The following SLC9C2 variants were observed in gnomAD, a reference collection of about 807,000 sequenced individuals.
SLC9C2 encodes the protein solute carrier family 9 member C2 (putative).
Under a neutral mutation model 140.2 loss-of-function variants are expected in SLC9C2, and 75 were observed. The observed-to-expected ratio is 0.53, with a 90% CI of 0.44 to 0.65. The LOEUF (loss-of-function observed/expected upper bound fraction) is 0.65. Among genes scored for constraint, SLC9C2 ranks in the 30% least tolerant of loss-of-function variants. The pLI is 0.00. For synonymous variants in SLC9C2, 375 were observed against 420.9 expected (o/e 0.89, Z 1.34); for missense variants, 1,074 against 1,331.8 (o/e 0.81, Z 3.01).
intron 10 of SLC9C2, among the ~76,000 whole-genome samples, chr1:173,555,051 T>G (rs1001397109): frequency 6.6e-6 from 1 of 152,176 alleles, no homozygotes; most frequent in African/African-American, 2.4e-5. Flanking sequence ...AGACTGGAGA[T>G]TCTATGCTAA....
At chr1:173,597,123 T>A (rs1388225226) in intron 4 of SLC9C2, among the ~76,000 whole-genome samples, 3 of 150,594 alleles carry the variant, frequency 2.0e-5, no homozygotes, top group African/African-American at 2.4e-5. Context: ...GCACAACATT[T>A]AAAAAAAAAC....
chr1:173,601,987 G>T (rs1203124431), intron 1 of SLC9C2, 132 bp from the exon 2 acceptor site: 5 of 543,428 alleles, frequency 9.2e-6, no homozygotes, highest in Non-Finnish European at 1.6e-5. Context: ...AATACCTCTT[G>T]TCCTACCCCT....
At chr1:173,503,364 A>C (rs1442320362) in intron 26 of SLC9C2, 38 bp from the exon 27 acceptor site, 1 of 1,581,228 alleles carries the variant, frequency 6.3e-7, no homozygotes, top group Non-Finnish European at 8.7e-7. Flanking sequence ...AAAGTAAATT[A>C]GGAATTTAAG....
chr1:173,541,744 G>A (rs984634780), intron 13 of SLC9C2, among the ~76,000 whole-genome samples: 4 of 151,914 alleles, frequency 2.6e-5, no homozygotes, highest in Non-Finnish European at 4.4e-5. Flanking sequence ...CTGAACAACC[G>A]GCTCCTGAAT....
At chr1:173,512,084 G>A (rs566598548) in intron 23 of SLC9C2, among the ~76,000 whole-genome samples, 2 of 152,140 alleles carry the variant, frequency 1.3e-5, no homozygotes, top group Admixed American at 6.6e-5. Context: ...GTCAGCTAGC[G>A]TGATGCCTCC....
At chr1:173,572,589 C>T (rs1664909738) in intron 9 of SLC9C2, among the ~76,000 whole-genome samples, 1 of 152,178 alleles carries the variant, frequency 6.6e-6, no homozygotes, top group Non-Finnish European at 1.5e-5. Flanking sequence ...GGTTTAAATA[C>T]CAAATTTGCT....
At chr1:173,537,604 A>G (rs755808432) in intron 13 of SLC9C2, among the ~76,000 whole-genome samples, 7 of 69,588 alleles carry the variant, frequency 1.0e-4, no homozygotes, top group Non-Finnish European at 1.7e-4. Flanking sequence ...GTGTGTATAT[A>G]TATGTATATA....
At chr1:173,520,089 A>G (rs1201376355) in intron 22 of SLC9C2, among the ~76,000 whole-genome samples, 1 of 152,132 alleles carries the variant, frequency 6.6e-6, no homozygotes, top group African/African-American at 2.4e-5. Context: ...CAGACCTTGC[A>G]GTGAGCTGAG....
intron 11 of SLC9C2, among the ~76,000 whole-genome samples, chr1:173,550,444 A>T (rs868353139): frequency 0.02 from 2,638 of 129,070 alleles, 86 homozygotes; most frequent in African/African-American, 0.077. Context: ...TTATTTATTT[A>T]TTTATTTATT....
chr1:173,514,697 G>T (rs752166185), intron 23 of SLC9C2, among the ~76,000 whole-genome samples: 8 of 152,090 alleles, frequency 5.3e-5, no homozygotes, highest in Non-Finnish European at 8.8e-5. Context: ...ATGCTATCTG[G>T]TTATTTTGCG....
In SLC9C2 at chr1:173,556,465, A is replaced by G. The variant is rs570331796; in HGVS notation, c.1215+875T>C. Among the ~76,000 whole-genome samples, 5 of 152,340 alleles carry G rather than the reference A, an allele frequency of 3.3e-5. No homozygotes were observed. The South Asian group carries it at 6.2e-4, about 19-fold the overall frequency. Reference sequence around the variant, plus strand: ...ATTTTTTAAAATTAGCCCTAAAGACATAAACCTAACTAGATCTTTAATGTA... The same window carrying G: ...ATTTTTTAAAATTAGCCCTAAAGACGTAAACCTAACTAGATCTTTAATGTA... On this transcript the variant is annotated intron_variant, in intron 10 of 27. Coordinates refer to ENST00000367714, the MANE Select transcript of SLC9C2 (RefSeq NM_178527.4).
In SLC9C2 at chr1:173,573,358, G is replaced by A. The variant is rs1664958739; in HGVS notation, c.903-33C>T. 4 of 1,370,750 alleles carry A rather than the reference G, an allele frequency of 2.9e-6. No homozygotes were observed. The African/African-American group carries it at 4.4e-5, about 15-fold the overall frequency. The allele number at this position is 1,370,750 out of a possible 1,614,324, so 84.9% of individuals were successfully genotyped here. On this transcript the variant is annotated intron_variant, in intron 8 of 27. Transcript: ENST00000367714. ...GAATGAAATAGAAATGACATTTTAA[G>A]CAATCATCTTAAAAATATATTTTCC...
At chr1:173,517,480 G>A (rs1055472649) in intron 23 of SLC9C2, 57 bp downstream of exon 23, 2 of 1,462,144 alleles carry the variant, frequency 1.4e-6, no homozygotes, top group Non-Finnish European at 9.1e-7. Flanking sequence ...AAAGATGCTG[G>A]TATTTTTTAT....
intron 7 of SLC9C2, among the ~76,000 whole-genome samples, chr1:173,581,429 C>T (rs756601415): frequency 6.6e-6 from 1 of 152,210 alleles, no homozygotes; most frequent in Non-Finnish European, 1.5e-5. Context: ...TTTCTACAGT[C>T]TTCTCAATTT....
rs557504255 is a variant in SLC9C2 at position 173,506,415 on chromosome 1, G to A, written c.3225+441C>T. On this transcript the variant is annotated intron_variant, in intron 25 of 27. Coordinates refer to ENST00000367714, the MANE Select transcript of SLC9C2 (RefSeq NM_178527.4). ...AGAGGTATGGAATGCTGAGGCCCAG[G>A]GCCCAGGATCTACTATCAAGTGCCC... is the stretch of plus-strand genomic sequence containing the variant. Among the ~76,000 whole-genome samples the A allele has an allele frequency of 2.6e-5, 4 of 152,304 alleles. No homozygotes were observed. The East Asian group carries it at 7.7e-4, about 29-fold the overall frequency.
chr1:173,599,978 A>C, intron 3 of SLC9C2, 139 bp downstream of exon 3: 2 of 527,862 alleles, frequency 3.8e-6, no homozygotes, highest in Non-Finnish European at 6.7e-6. Flanking sequence ...TATTTTCCAA[A>C]TTTTTTAATA....
At position 173,581,984 on chromosome 1, in the gene SLC9C2, C is replaced by G. The variant is rs1048632216; in HGVS notation, c.665G>C (p.Ser222Thr). ...TATTATGCTTCCCAAAATGTCATAGCTGAGTTCAATGCCTACATGTAAATC... is the reference window on the plus strand; with the variant it reads ...TATTATGCTTCCCAAAATGTCATAGGTGAGTTCAATGCCTACATGTAAATC... ...FRDLHVGIELSYDILGSIIFG... is the reference protein window; with the variant it reads ...FRDLHVGIELTYDILGSIIFG... The change falls in exon 7 of 28, where the codon AGC becomes ACC. Residue 222 changes from serine (S) to threonine (T), a missense_variant. Transcript: ENST00000367714. The G allele has an allele frequency of 6.3e-7, 1 of 1,583,504 alleles. No individual in the cohort carries two copies. The highest frequency in any genetic ancestry group is 8.6e-7 in the Non-Finnish European group (1 of 1,162,268).
At chr1:173,519,044 T>C (rs1660619253) in intron 22 of SLC9C2, among the ~76,000 whole-genome samples, 1 of 152,044 alleles carries the variant, frequency 6.6e-6, no homozygotes, top group Non-Finnish European at 1.5e-5. Context: ...ACTAATCAGC[T>C]GACCTTAAAA....
intron 14 of SLC9C2, 84 bp downstream of exon 14, chr1:173,536,858 G>C: frequency 1.1e-6 from 1 of 945,412 alleles, no homozygotes. Flanking sequence ...TGATCAATCA[G>C]GACATTTAAT....
Sources: allele counts gnomAD v4.1 joint callset (sites outside exome capture counted in the v4.1 genomes callset), GRCh38; gene constraint gnomAD v4.1.1; transcripts MANE v1.5; gene names NCBI Gene and HGNC (gene_info 2026-07-23, HGNC 2026-07-21).